The following LTBP2 variants were observed in gnomAD, a reference collection of about 807,000 sequenced individuals.
The protein encoded by LTBP2 is latent-transforming growth factor beta-binding protein 2.
Under a neutral mutation model 210.6 loss-of-function variants are expected in LTBP2, and 103 were observed. The ratio of observed to expected loss-of-function variants is 0.49; its 90% CI spans 0.42 to 0.58. LTBP2 has a LOEUF of 0.58. Ranked by LOEUF, LTBP2 falls within the 20% of genes least tolerant of loss-of-function variation. The probability of loss-of-function intolerance (pLI) is 0.00; values close to 1 mark genes in which losing one functional copy is unlikely to be tolerated. For missense variants in LTBP2, 2,313 were observed against 2,494.5 expected, an observed-to-expected ratio of 0.93 and a Z score of 1.55; for synonymous variants, 1,007 against 1,015.0, an observed-to-expected ratio of 0.99 and a Z score of 0.15.
chr14:74,539,446 C>T (rs746230658), intron 8 of LTBP2, among the ~76,000 whole-genome samples: 33 of 152,192 alleles, frequency 2.2e-4, no homozygotes, highest in Non-Finnish European at 4.6e-4. Context: ...GTAGCTCACA[C>T]CTGTAATCCC....
At chr14:74,539,420 A>C (rs908119454) in intron 8 of LTBP2, among the ~76,000 whole-genome samples, 4 of 152,194 alleles carry the variant, frequency 2.6e-5, no homozygotes, top group African/African-American at 9.7e-5. Flanking sequence ...AAGAGGGAGA[A>C]ATGATGTTGG....
chr14:74,527,436 T>A, intron 12 of LTBP2, 70 bp from the exon 13 acceptor site: 2 of 1,553,512 alleles, frequency 1.3e-6, no homozygotes, highest in Non-Finnish European at 8.8e-7. Context: ...CACCGCCACC[T>A]GGGCGGCTTC....
chr14:74,606,245 G>C (rs61980922), intron 1 of LTBP2, among the ~76,000 whole-genome samples: 11,489 of 152,132 alleles, frequency 0.076, 694 homozygotes, highest in African/African-American at 0.15. Flanking sequence ...GATCACACTA[G>C]CCCTTTGTTA....
At chr14:74,514,755 G>T (rs1357387285) in intron 18 of LTBP2, among the ~76,000 whole-genome samples, 1 of 152,214 alleles carries the variant, frequency 6.6e-6, no homozygotes, top group Non-Finnish European at 1.5e-5. Context: ...TTTCACCAGA[G>T]ACTTTCAGTT....
intron 4 of LTBP2, among the ~76,000 whole-genome samples, chr14:74,555,141 G>T (rs746772534): frequency 1.3e-5 from 2 of 152,178 alleles, no homozygotes; most frequent in Non-Finnish European, 2.9e-5. Flanking sequence ...GGTAACAACT[G>T]GTTGGGTTGA....
intron 2 of LTBP2, among the ~76,000 whole-genome samples, chr14:74,594,355 G>A (rs2088326787): frequency 6.6e-6 from 1 of 152,128 alleles, no homozygotes; most frequent in Non-Finnish European, 1.5e-5. Flanking sequence ...TTCCTCAGTG[G>A]CTTCCAGTGC....
At chr14:74,581,088 G>A (rs750117559) in intron 3 of LTBP2, among the ~76,000 whole-genome samples, 1 of 152,236 alleles carries the variant, frequency 6.6e-6, no homozygotes, top group African/African-American at 2.4e-5. Flanking sequence ...ATGAACACGG[G>A]CTGTGAGTGG....
chr14:74,601,470 C>T (rs2088445765), intron 2 of LTBP2, among the ~76,000 whole-genome samples: 1 of 152,206 alleles, frequency 6.6e-6, no homozygotes, highest in African/African-American at 2.4e-5. Context: ...GAGGGCCTGA[C>T]CTCTGAGCCG....
chr14:74,540,875 A>AT lies in LTBP2; in HGVS notation c.1790-4876dup, dbSNP rs2087496089. On this transcript the variant is annotated intron_variant, in intron 8 of 35. Coordinates refer to ENST00000261978, the MANE Select transcript of LTBP2 (RefSeq NM_000428.3). ...ATATATATTATATATATTTATATAT[A>AT]TAATATATATATTATATATTAAAAA... is the stretch of plus-strand genomic sequence containing the variant. Among the ~76,000 whole-genome samples, 501 of 97,968 alleles carry AT rather than the reference A, an allele frequency of 5.1e-3. 145 individuals carry two copies. The highest frequency in any genetic ancestry group is 8.4e-3 in the Admixed American group (55 of 6,586). 64.3% of individuals were successfully genotyped at this position (97,968 alleles called of 152,430 possible).
At chr14:74,593,483 T>G (rs530077098) in intron 2 of LTBP2, among the ~76,000 whole-genome samples, 51 of 152,312 alleles carry the variant, frequency 3.3e-4, no homozygotes, top group African/African-American at 1.1e-3. Flanking sequence ...TGATAATTCT[T>G]GCTTCAAAGA....
In LTBP2 at chr14:74,611,725, C is replaced by T. The variant is rs79886273; in HGVS notation, c.220G>A (p.Glu74Lys). The change falls in exon 1 of 36, where the codon GAG becomes AAG. Residue 74 changes from glutamate to lysine, a missense_variant. Around this residue, in one of 3 missense-constraint regions of LTBP2, gnomAD observed 1,867 missense variants for 1,976.9 expected, o/e 0.94. Transcript: ENST00000261978. ...AAAKVYSLFR[E>K]QDAPVAGLQP... ...AAGCCCGCGACAGGCGCGTCCTGCT[C>T]CCGGAACAGACTGTACACCTTGGCT... 25 of 1,599,580 alleles carry T rather than the reference C, an allele frequency of 1.6e-5. No individual in the cohort carries two copies. In the East Asian group the frequency reaches 4.9e-4, roughly 31 times the overall value.
chr14:74,585,286 C>T (rs2088189174), intron 3 of LTBP2, among the ~76,000 whole-genome samples: 1 of 152,192 alleles, frequency 6.6e-6, no homozygotes, highest in South Asian at 2.1e-4. Context: ...CTTCTTCTGG[C>T]AGAGGAGTCC....
chr14:74,555,943 G>A lies in LTBP2; in HGVS notation c.831-250C>T, dbSNP rs573133126. Among the ~76,000 whole-genome samples, 30 of 152,266 alleles carry A rather than the reference G, an allele frequency of 2.0e-4. No homozygotes were observed. In the South Asian group the frequency reaches 5.8e-3, roughly 29 times the overall value. On this transcript the variant is annotated intron_variant, in intron 3 of 35. Coordinates refer to ENST00000261978, the MANE Select transcript of LTBP2 (RefSeq NM_000428.3). ...CACCAGGCTTTTGGTGGGTTATTCC[G>A]GGCAAATCACTTAGCTCCTCTGGGC...
At chr14:74,507,876 T>C in intron 25 of LTBP2, 97 bp downstream of exon 25, 1 of 1,541,498 alleles carries the variant, frequency 6.5e-7, no homozygotes. Flanking sequence ...ACACTTCATC[T>C]GTGGAAAGTG....
intron 5 of LTBP2, 82 bp downstream of exon 5, chr14:74,552,810 T>C: frequency 6.6e-7 from 1 of 1,517,106 alleles, no homozygotes; most frequent in Non-Finnish European, 8.9e-7. Flanking sequence ...AGCAGCGGGC[T>C]CCAGTCCAAG....
chr14:74,545,070 C>A (rs1175857814), intron 8 of LTBP2, among the ~76,000 whole-genome samples: 3 of 152,176 alleles, frequency 2.0e-5, no homozygotes, highest in African/African-American at 7.2e-5. Flanking sequence ...TCACAAAACC[C>A]AATCTTGACG....
In LTBP2 at chr14:74,505,180, C is replaced by T. The variant is rs551478195; in HGVS notation, c.4178-6G>A. The T allele has an allele frequency of 6.9e-5, 112 of 1,611,852 alleles. 1 individual carries two copies. The highest frequency in any genetic ancestry group is 1.8e-4 in the East Asian group (8 of 44,872). On this transcript the variant is annotated splice_region_variant and splice_polypyrimidine_tract_variant and intron_variant, in intron 28 of 35. Transcript: ENST00000261978. ...GGCCTCAGACATACTCTGACCTGTG[C>T]GTGACAGATGCTCATTACTGTCTGT...
In LTBP2 at chr14:74,500,708, G is replaced by T; in HGVS notation, c.*176C>A. 1 of 793,010 alleles carries T rather than the reference G, an allele frequency of 1.3e-6. No individual in the cohort carries two copies. Among genetic ancestry groups the T allele is most frequent in the Non-Finnish European group, 2.1e-6 (1 of 476,422 alleles). 49.1% of individuals were successfully genotyped at this position (793,010 alleles called of 1,614,324 possible). On this transcript the variant is annotated 3_prime_UTR_variant, in exon 36 of 36. Coordinates refer to ENST00000261978, the MANE Select transcript of LTBP2 (RefSeq NM_000428.3). ...TGCTTGAGCCAAGCAAGGGCATGGA[G>T]GCAATGACCGAAGCTTACAGCCAGA...
Position 74,503,515 on chromosome 14 carries a change from G to T in LTBP2, c.4674C>A (p.Thr1558=). 1 of 1,613,290 alleles carries T rather than the reference G, an allele frequency of 6.2e-7. No individual in the cohort carries two copies. The highest frequency in any genetic ancestry group is 1.1e-5 in the South Asian group (1 of 90,958). ...TGCAGCGCTGCTGGCTGAGGTCCAGGGTGAGCGGGGGGCTGCAGAAGCAGT... is the reference window on the plus strand; with the variant it reads ...TGCAGCGCTGCTGGCTGAGGTCCAGTGTGAGCGGGGGGCTGCAGAAGCAGT... ...SFHCFCSPPL[T]LDLSQQRCMN... Residue 1558 remains threonine, a synonymous_variant, in exon 32 of 36, where the codon ACC becomes ACA. Transcript: ENST00000261978.
Sources: allele counts gnomAD v4.1 joint callset (sites outside exome capture counted in the v4.1 genomes callset), GRCh38; gene constraint gnomAD v4.1.1; regional missense constraint gnomAD v4.1.1; transcripts MANE v1.5; gene names NCBI Gene and HGNC (gene_info 2026-07-23, HGNC 2026-07-21).